Variants in SPATS2L observed in about 807,000 individuals in gnomAD.
SPATS2L encodes SPATS2-like protein.
A neutral mutation model predicts 59.6 loss-of-function variants in SPATS2L; 30 were observed. The ratio of observed to expected loss-of-function variants is 0.50; its 90% CI spans 0.38 to 0.68. The LOEUF is 0.68. Ranked by LOEUF, SPATS2L falls within the 30% of genes least tolerant of loss-of-function variation. The pLI is 0.00. For synonymous variants in SPATS2L, 252 were observed against 263.5 expected, an observed-to-expected ratio of 0.96 and a Z score of 0.42; for missense variants, 615 against 700.0, an observed-to-expected ratio of 0.88 and a Z score of 1.37.
At chr2:200,393,062 C>A in intron 3 of SPATS2L, 1 of 363,396 alleles carries the variant, frequency 2.8e-6, no homozygotes, top group South Asian at 2.1e-5. Flanking sequence ...TCTGAACTCA[C>A]AGTCATATAT....
intron 8 of SPATS2L, among the ~76,000 whole-genome samples, chr2:200,457,219 TACATACACAC>T (rs1559149758): frequency 1.6e-5 from 1 of 62,384 alleles, no homozygotes; most frequent in Non-Finnish European, 3.2e-5. Flanking sequence ...AATGAAAACA[TACATACACAC>T]ACACACACAC....
At chr2:200,393,323 A>G (rs529818859) in intron 3 of SPATS2L, 4 of 456,808 alleles carry the variant, frequency 8.8e-6, no homozygotes, top group Non-Finnish European at 1.8e-5. Context: ...CAGAGGTGGC[A>G]TCATGCCAAT....
At chr2:200,397,368 T>A (rs1156986524) in intron 3 of SPATS2L, among the ~76,000 whole-genome samples, 1 of 152,184 alleles carries the variant, frequency 6.6e-6, no homozygotes, top group Non-Finnish European at 1.5e-5. Context: ...CGTATTAAAT[T>A]ATTCAGTTTT....
chr2:200,474,484 A>G (rs1471714410), intron 12 of SPATS2L, among the ~76,000 whole-genome samples: 1 of 151,842 alleles, frequency 6.6e-6, no homozygotes, highest in Non-Finnish European at 1.5e-5. Flanking sequence ...ATTTTTTTGT[A>G]TAATTTTTGT....
At chr2:200,374,224 G>A (rs753510279) in intron 2 of SPATS2L, among the ~76,000 whole-genome samples, 2 of 152,176 alleles carry the variant, frequency 1.3e-5, no homozygotes, top group Non-Finnish European at 2.9e-5. Flanking sequence ...ACTTTTGTGT[G>A]CTAAGCAGGT....
intron 3 of SPATS2L, among the ~76,000 whole-genome samples, chr2:200,391,023 G>A (rs2105929944): frequency 6.6e-6 from 1 of 152,158 alleles, no homozygotes; most frequent in African/African-American, 2.4e-5. Context: ...ATCTAGGTAT[G>A]GTGCCAGACA....
At chr2:200,361,277 A>G (rs1270686630) in intron 2 of SPATS2L, among the ~76,000 whole-genome samples, 1 of 152,154 alleles carries the variant, frequency 6.6e-6, no homozygotes, top group South Asian at 2.1e-4. Context: ...ATGTCATGAG[A>G]GAAAGAGAGA....
chr2:200,317,050 G>A lies in SPATS2L; in HGVS notation c.-73+10128G>A, dbSNP rs148548211. ...TCTCTAGTGGGAAGGTTGGTCTTAT[G>A]TGTGTATGAGAAAGGTGGCCGCCTT... is the stretch of plus-strand genomic sequence containing the variant. On this transcript the variant is annotated intron_variant, in intron 1 of 12. Transcript: ENST00000409140. Among the ~76,000 whole-genome samples, 516 of 152,308 alleles carry A rather than the reference G, an allele frequency of 3.4e-3. 4 individuals are homozygous for A. Among genetic ancestry groups the A allele is most frequent in the Non-Finnish European group, 5.8e-3 (393 of 68,026 alleles).
At chr2:200,380,346 T>C (rs144808296) in intron 2 of SPATS2L, among the ~76,000 whole-genome samples, 41 of 152,374 alleles carry the variant, frequency 2.7e-4, no homozygotes, top group Non-Finnish European at 4.0e-4. Context: ...TTTTGTGTTC[T>C]GCTCTGCCGT....
intron 10 of SPATS2L, 148 bp from the exon 11 acceptor site, chr2:200,469,766 C>T (rs1052623404): frequency 1.3e-5 from 8 of 617,210 alleles, no homozygotes; most frequent in South Asian, 2.0e-5. Flanking sequence ...TAAGACTGAG[C>T]GTGGAGCCTC....
intron 3 of SPATS2L, chr2:200,390,244 G>A (rs1480485172): frequency 6.6e-6 from 1 of 152,206 alleles, no homozygotes; most frequent in Non-Finnish European, 1.5e-5. Context: ...CTTTCACTTA[G>A]CAACAGGGTA....
intron 6 of SPATS2L, among the ~76,000 whole-genome samples, chr2:200,435,355 G>A (rs2084209759): frequency 6.6e-6 from 1 of 152,168 alleles, no homozygotes; most frequent in East Asian, 1.9e-4. Flanking sequence ...TTAGATACAT[G>A]GACAAGGATT....
intron 2 of SPATS2L, among the ~76,000 whole-genome samples, chr2:200,338,980 G>A (rs1482154501): frequency 6.6e-6 from 1 of 152,196 alleles, no homozygotes; most frequent in Non-Finnish European, 1.5e-5. Flanking sequence ...TGTTATCTTT[G>A]TATCTCAAGG....
chr2:200,389,302 T>C lies in SPATS2L; in HGVS notation c.39+19T>C, dbSNP rs542144097. ...GGAAAAGGTAAGATCAAGTTATACG[T>C]TGGCTCACAGAAACTCCAAACTAGG... is the stretch of plus-strand genomic sequence containing the variant. On this transcript the variant is annotated intron_variant, in intron 3 of 12. Coordinates refer to ENST00000409140, the MANE Select transcript of SPATS2L (RefSeq NM_001100423.2). The C allele has an allele frequency of 8.4e-6, 13 of 1,554,342 alleles. No individual in the cohort carries two copies. Among genetic ancestry groups the C allele is most frequent in the South Asian group, 3.6e-5 (3 of 84,036 alleles).
intron 3 of SPATS2L, among the ~76,000 whole-genome samples, chr2:200,396,947 A>G (rs1166526541): frequency 6.6e-6 from 1 of 152,252 alleles, no homozygotes; most frequent in Non-Finnish European, 1.5e-5. Context: ...CCTAATGCTT[A>G]TGTACAGAAC....
chr2:200,440,042 T>G (rs2084584085), intron 7 of SPATS2L, among the ~76,000 whole-genome samples: 1 of 152,220 alleles, frequency 6.6e-6, no homozygotes, highest in African/African-American at 2.4e-5. Flanking sequence ...CATGGCCTGA[T>G]TGTGATAAGT....
intron 2 of SPATS2L, among the ~76,000 whole-genome samples, chr2:200,357,714 A>T (rs942087132): frequency 6.6e-6 from 1 of 152,184 alleles, no homozygotes; most frequent in Admixed American, 6.5e-5. Context: ...AATGACAAGT[A>T]CATTGACTTG....
intron 3 of SPATS2L, among the ~76,000 whole-genome samples, chr2:200,406,138 C>A (rs2082679474): frequency 1.3e-5 from 2 of 152,114 alleles, no homozygotes; most frequent in Non-Finnish European, 2.9e-5. Context: ...AAGATATGCT[C>A]CCTGTCAGTA....
intron 2 of SPATS2L, among the ~76,000 whole-genome samples, chr2:200,365,124 G>A (rs2081227913): frequency 6.6e-6 from 1 of 152,162 alleles, no homozygotes; most frequent in Non-Finnish European, 1.5e-5. Flanking sequence ...CCAGGGAACA[G>A]CTTTTGCATT....
Sources: allele counts gnomAD v4.1 joint callset (sites outside exome capture counted in the v4.1 genomes callset), GRCh38; gene constraint gnomAD v4.1.1; transcripts MANE v1.5; gene names NCBI Gene and HGNC (gene_info 2026-07-23, HGNC 2026-07-21).